Variants in IGSF10 observed in about 807,000 individuals in gnomAD.
IGSF10 encodes the protein immunoglobulin superfamily member 10, also known as calvaria mechanical force protein 608.
In IGSF10, 126 loss-of-function variants were observed where a neutral mutation model predicts 128.2. That is an observed-to-expected ratio of 0.98 (90% CI 0.85 to 1.14). The LOEUF is 1.14. Ranked by LOEUF, IGSF10 falls within the 50% of genes most tolerant of loss-of-function variation. The probability of loss-of-function intolerance (pLI) is 0.00; values close to 1 mark genes in which losing one functional copy is unlikely to be tolerated. For synonymous variants in IGSF10, 1,185 were observed against 1,146.2 expected (o/e 1.03, Z -0.68); for missense variants, 3,295 against 3,149.8 (o/e 1.05, Z -1.10).
chr3:151,508,025 A>C, the IGSF10 span, among the ~76,000 whole-genome samples: 1 of 152,174 alleles, frequency 6.6e-6, no homozygotes, highest in East Asian at 1.9e-4. Context: ...ATACTAATAT[A>C]AAACAGTTCA....
At chr3:151,522,635 C>T in the IGSF10 span, among the ~76,000 whole-genome samples, 1 of 152,138 alleles carries the variant, frequency 6.6e-6, no homozygotes, top group South Asian at 2.1e-4. Context: ...TGATAAAATT[C>T]AACACACTTA....
At chr3:151,456,277 G>T (rs1577677076) in intron 4 of IGSF10, among the ~76,000 whole-genome samples, 1 of 152,126 alleles carries the variant, frequency 6.6e-6, no homozygotes, top group Non-Finnish European at 1.5e-5. Context: ...ATGAACACAG[G>T]TACTTCATCT....
rs759766705 is a variant in IGSF10 at position 151,447,316 on chromosome 3, G to A, written c.2665C>T (p.His889Tyr). 3 of 1,614,052 alleles carry A rather than the reference G, an allele frequency of 1.9e-6. No individual in the cohort carries two copies. Among genetic ancestry groups the A allele is most frequent in the Non-Finnish European group, 1.7e-6 (2 of 1,180,042 alleles). Residue 889 changes from histidine to tyrosine, a missense_variant, in exon 6 of 8, where the codon CAT (histidine) becomes TAT (tyrosine). Coordinates refer to ENST00000282466, the MANE Select transcript of IGSF10 (RefSeq NM_178822.5). ...AGCAGTGGAAAGACAGTGGATGAAT[G>A]TTGATTGGTTGTGCCTTGTATTTGG... ...SSQIQGTTNQ[H>Y]SSTVFPLLLG...
rs746352912 is a variant in IGSF10, at chr3:151,447,002, CTG to C, written c.2977_2978del (p.Gln993ValfsTer5). 7 of 1,614,052 alleles carry C rather than the reference CTG, an allele frequency of 4.3e-6. No homozygotes were observed. Among genetic ancestry groups the C allele is most frequent in the Non-Finnish European group, 5.1e-6 (6 of 1,180,036 alleles). On this transcript the variant is annotated frameshift_variant, in exon 6 of 8. Coordinates refer to ENST00000282466, the MANE Select transcript of IGSF10 (RefSeq NM_178822.5). LOFTEE classifies it high-confidence loss of function. Reference protein sequence around the residue: ...PSDPHTAAHSQFPIPRNSTVN... With the variant: ...PSDPHTAAHSXFPIPRNSTVN... ...CTGTACTATTTCTAGGGATCGGAAA[CTG>C]AGAATGAGCAGCTGTGTGTGGATCT...
the IGSF10 span, among the ~76,000 whole-genome samples, chr3:151,586,073 G>A: frequency 2.7e-5 from 4 of 150,330 alleles, no homozygotes; most frequent in Non-Finnish European, 4.4e-5. Flanking sequence ...TCCACCTCCC[G>A]AGCTCAAGCA....
the IGSF10 span, among the ~76,000 whole-genome samples, chr3:151,597,651 C>T: frequency 1.3e-5 from 2 of 152,086 alleles, no homozygotes; most frequent in Non-Finnish European, 2.9e-5. Flanking sequence ...TTGAGGTGGC[C>T]CACGCCTGTA....
chr3:151,554,162 ACG>A, the IGSF10 span, among the ~76,000 whole-genome samples: 1 of 148,928 alleles, frequency 6.7e-6, no homozygotes, highest in Non-Finnish European at 1.5e-5. Flanking sequence ...ACACACACAC[ACG>A]CAAAGTTGTT....
At chr3:151,546,084 T>C in the IGSF10 span, among the ~76,000 whole-genome samples, 3 of 151,022 alleles carry the variant, frequency 2.0e-5, no homozygotes, top group African/African-American at 4.9e-5. Flanking sequence ...CCTAGCTCTG[T>C]ACAGAAAGAT....
At chr3:151,498,577 T>C in the IGSF10 span, among the ~76,000 whole-genome samples, 1 of 152,198 alleles carries the variant, frequency 6.6e-6, no homozygotes, top group East Asian at 1.9e-4. Flanking sequence ...ACTATCTCAA[T>C]AGATGCAGAA....
the IGSF10 span, among the ~76,000 whole-genome samples, chr3:151,551,115 T>C: frequency 1.3e-5 from 2 of 152,164 alleles, no homozygotes; most frequent in African/African-American, 2.4e-5. Context: ...ACTCAGACCA[T>C]ACTGGCAACC....
At chr3:151,618,030 C>T in the IGSF10 span, among the ~76,000 whole-genome samples, 1 of 152,142 alleles carries the variant, frequency 6.6e-6, no homozygotes, top group Non-Finnish European at 1.5e-5. Context: ...TGTTCCCTCA[C>T]ATTCAAAGAT....
At chr3:151,512,770 G>A in the IGSF10 span, among the ~76,000 whole-genome samples, 1 of 152,102 alleles carries the variant, frequency 6.6e-6, no homozygotes, top group Non-Finnish European at 1.5e-5. Flanking sequence ...AATAAAAAAT[G>A]ACAAAGGGGA....
the IGSF10 span, among the ~76,000 whole-genome samples, chr3:151,476,669 G>A: frequency 6.6e-6 from 1 of 152,118 alleles, no homozygotes; most frequent in Admixed American, 6.5e-5. Context: ...AGGCCCCCAG[G>A]GAGAATCTTA....
At chr3:151,440,466 C>A (rs185364654) in intron 7 of IGSF10, 2 of 444,300 alleles carry the variant, frequency 4.5e-6, no homozygotes, top group Non-Finnish European at 9.1e-6. Context: ...TACAAATACA[C>A]CTAAAGGAAG....
At chr3:151,611,600 C>T in the IGSF10 span, among the ~76,000 whole-genome samples, 1 of 152,296 alleles carries the variant, frequency 6.6e-6, no homozygotes, top group East Asian at 1.9e-4. Context: ...TGGATATCTT[C>T]CATGTGTTCT....
Position 151,447,066 on chromosome 3 carries a change from T to C in IGSF10, c.2915A>G (p.His972Arg). The C allele has an allele frequency of 3.1e-6, 5 of 1,614,142 alleles. No individual in the cohort carries two copies. Among genetic ancestry groups the C allele is most frequent in the Non-Finnish European group, 4.2e-6 (5 of 1,179,982 alleles). The change falls in exon 6 of 8, where the codon CAC (histidine) becomes CGC (arginine). Residue 972 changes from histidine to arginine, a missense_variant. Physicochemically the swap from His to Arg is conservative, Grantham distance 29 (BLOSUM62 0). Coordinates refer to ENST00000282466, the MANE Select transcript of IGSF10 (RefSeq NM_178822.5). ...SEPRHNHFYS[H>R]TTQILSTSTF... ...GGAGGTGCTAAGTATTTGAGTAGTG[T>C]GAGAATAGAAGTGATTGTGCCTGGG...
chr3:151,500,348 C>T, the IGSF10 span, among the ~76,000 whole-genome samples: 1 of 151,960 alleles, frequency 6.6e-6, no homozygotes, highest in African/African-American at 2.4e-5. Flanking sequence ...GAGGAATTGA[C>T]CAGTATATTT....
Position 151,443,892 on chromosome 3 carries a change from G to T in IGSF10, c.5063-8C>A, listed in dbSNP as rs775785692. 2 of 1,556,098 alleles carry T rather than the reference G, an allele frequency of 1.3e-6. No individual in the cohort carries two copies. Among genetic ancestry groups the T allele is most frequent in the Non-Finnish European group, 1.7e-6 (2 of 1,151,028 alleles). On this transcript the variant is annotated splice_polypyrimidine_tract_variant and splice_region_variant and intron_variant, in intron 6 of 7. Coordinates refer to ENST00000282466, the MANE Select transcript of IGSF10 (RefSeq NM_178822.5). ...TCTTAGATAAATCAAGTCCTGAGAAGAAAAAAAGAAAATTATTGCTACGGG... is the reference window on the plus strand; with the variant it reads ...TCTTAGATAAATCAAGTCCTGAGAATAAAAAAAGAAAATTATTGCTACGGG...
At chr3:151,525,829 G>A in the IGSF10 span, among the ~76,000 whole-genome samples, 15 of 152,082 alleles carry the variant, frequency 9.9e-5, no homozygotes, top group African/African-American at 2.9e-4. Context: ...CGATTAACTC[G>A]AAGTACATTG....
Sources: gnomAD v4.1 joint callset for allele counts (sites outside exome capture counted in the v4.1 genomes callset) on GRCh38, gnomAD v4.1.1 for gene constraint, MANE v1.5 for transcripts, NCBI Gene and HGNC (gene_info 2026-07-23, HGNC 2026-07-21) for gene names.